The following AGO4 variants were observed in gnomAD, a reference collection of about 807,000 sequenced individuals.
AGO4 encodes argonaute RISC component 4, also known as protein argonaute-4.
A neutral mutation model predicts 104.7 loss-of-function variants in AGO4; 33 were observed. The ratio of observed to expected loss-of-function variants is 0.32; its 90% CI spans 0.24 to 0.42. AGO4 has a LOEUF of 0.42. Among genes scored for constraint, AGO4 ranks in the 10% least tolerant of loss-of-function variants. The probability of loss-of-function intolerance (pLI) is 1.00; values close to 1 mark genes in which losing one functional copy is unlikely to be tolerated. For missense variants in AGO4, 711 were observed against 1,083.4 expected, an observed-to-expected ratio of 0.66 and a Z score of 4.83; for synonymous variants, 331 against 364.7, an observed-to-expected ratio of 0.91 and a Z score of 1.05.
chr1:35,831,911 C>G lies in AGO4; in HGVS notation c.1096C>G (p.Gln366Glu). The change falls in exon 9 of 18, where the codon CAG becomes GAG. Residue 366 changes from glutamine to glutamate, a missense_variant. Physicochemically the swap from Gln to Glu is conservative, Grantham distance 29 (BLOSUM62 2). Around this residue, in one of 3 missense-constraint regions of AGO4, gnomAD observed 401 missense variants for 665.5 expected, o/e 0.60. Transcript: ENST00000373210. ...KATARSAPDR[Q>E]EEISRLVKSN... Reference sequence around the variant, plus strand: ...TACAGCAAGATCTGCTCCTGACAGACAGGAAGAGATCAGTAGACTGGTCAG... The same window carrying G: ...TACAGCAAGATCTGCTCCTGACAGAGAGGAAGAGATCAGTAGACTGGTCAG... The G allele has an allele frequency of 6.2e-7, 1 of 1,614,024 alleles. No homozygotes were observed. Among genetic ancestry groups the G allele is most frequent in the Non-Finnish European group, 8.5e-7 (1 of 1,179,958 alleles).
In AGO4 at chr1:35,841,536, C is replaced by G; in HGVS notation, c.2040+56C>G. On this transcript the variant is annotated intron_variant, in intron 14 of 17. Coordinates refer to ENST00000373210, the MANE Select transcript of AGO4 (RefSeq NM_017629.4). The surrounding 1 kb of genome is among the most constrained non-coding windows in gnomAD (Gnocchi z 4.7). Reference sequence around the variant, plus strand: ...GCCCCTAGGAGTCTGAGGGAGATTCCTCTCATCTACCATTCTGGGTAGATC... The same window carrying G: ...GCCCCTAGGAGTCTGAGGGAGATTCGTCTCATCTACCATTCTGGGTAGATC... 1 of 1,608,632 alleles carries G rather than the reference C, an allele frequency of 6.2e-7. No homozygotes were observed. The highest frequency in any genetic ancestry group is 8.5e-7 in the Non-Finnish European group (1 of 1,175,858).
intron 3 of AGO4, 124 bp from the exon 4 acceptor site, chr1:35,825,189 T>C: frequency 1.0e-6 from 1 of 968,378 alleles, no homozygotes; most frequent in Non-Finnish European, 1.5e-6. Context: ...TTTCCAATGT[T>C]ACACAATTGT....
At chr1:35,816,244 C>A (rs1274847294) in intron 1 of AGO4, among the ~76,000 whole-genome samples, 1 of 152,214 alleles carries the variant, frequency 6.6e-6, no homozygotes, top group Non-Finnish European at 1.5e-5. Flanking sequence ...TTTTAAAATG[C>A]ATATAATTTT....
chr1:35,817,219 C>T (rs1316750465), intron 2 of AGO4, among the ~76,000 whole-genome samples, 172 bp downstream of exon 2: 2 of 152,106 alleles, frequency 1.3e-5, no homozygotes, highest in Non-Finnish European at 2.9e-5. Context: ...TAGGCTCTAG[C>T]AAAGTGCTGG....
intron 15 of AGO4, among the ~76,000 whole-genome samples, chr1:35,848,466 G>A (rs1361155804): frequency 1.3e-5 from 2 of 152,146 alleles, no homozygotes; most frequent in Admixed American, 6.5e-5. Flanking sequence ...CATGAAGTCA[G>A]GAAGGCAAGT....
intron 11 of AGO4, among the ~76,000 whole-genome samples, chr1:35,833,149 C>T (rs1292147986): frequency 1.3e-5 from 2 of 151,946 alleles, no homozygotes; most frequent in African/African-American, 2.4e-5. Flanking sequence ...CATGGTGGCA[C>T]GCGCCTGTAG....
chr1:35,857,077 G>A lies in AGO4; in HGVS notation c.*3472G>A, dbSNP rs1410973824. On this transcript the variant is annotated 3_prime_UTR_variant, in exon 18 of 18. Coordinates refer to ENST00000373210, the MANE Select transcript of AGO4 (RefSeq NM_017629.4). ...TCTGTGTTTTAGGATCTGGTGCCCA[G>A]CCTCTATCAGAGCTTGCCTACCTGG... The A allele has an allele frequency of 2.0e-5, 3 of 152,214 alleles. No individual in the cohort carries two copies. The highest frequency in any genetic ancestry group is 4.4e-5 in the Non-Finnish European group (3 of 68,044). 9.4% of individuals were successfully genotyped at this position (152,214 alleles called of 1,614,324 possible).
chr1:35,831,350 CA>C (rs201655108), intron 7 of AGO4, 76 bp from the exon 8 acceptor site: 457 of 1,434,774 alleles, frequency 3.2e-4, no homozygotes, highest in South Asian at 6.3e-4. Context: ...GACACTGTCT[CA>C]AAAAAAAAGA....
chr1:35,820,894 A>T (rs1380110740), intron 2 of AGO4, among the ~76,000 whole-genome samples: 3 of 152,300 alleles, frequency 2.0e-5, no homozygotes, highest in Non-Finnish European at 4.4e-5. Flanking sequence ...GTGTTTGCTC[A>T]ATTAAGACAA....
intron 1 of AGO4, among the ~76,000 whole-genome samples, 171 bp from the exon 2 acceptor site, chr1:35,816,711 A>G (rs945699800): frequency 2.6e-5 from 4 of 151,370 alleles, no homozygotes; most frequent in African/African-American, 4.9e-5. Context: ...AGGCAGGAGA[A>G]TCGCTTGGAA....
chr1:35,851,260 T>A, intron 17 of AGO4: 1 of 583,538 alleles, frequency 1.7e-6, no homozygotes, highest in Non-Finnish European at 3.0e-6. Context: ...GTTGTGTCTC[T>A]AAAGGAGTTT....
chr1:35,857,114 A>G lies in AGO4; in HGVS notation c.*3509A>G, dbSNP rs1433204289. ...GCTTGCCTACCTGGCAAAGCTGCCT[A>G]CCCTTCAAGTGGGAAAATATAATCC... On this transcript the variant is annotated 3_prime_UTR_variant, in exon 18 of 18. Coordinates refer to ENST00000373210, the MANE Select transcript of AGO4 (RefSeq NM_017629.4). The G allele has an allele frequency of 6.6e-6, 1 of 152,128 alleles. No homozygotes were observed. The highest frequency in any genetic ancestry group is 1.5e-5 in the Non-Finnish European group (1 of 68,022). 9.4% of individuals were successfully genotyped at this position (152,128 alleles called of 1,614,324 possible).
chr1:35,809,597 C>T (rs1338766847), intron 1 of AGO4, among the ~76,000 whole-genome samples: 1 of 152,026 alleles, frequency 6.6e-6, no homozygotes, highest in Non-Finnish European at 1.5e-5. Flanking sequence ...ATTGGCTTGC[C>T]GCATTAATAT....
chr1:35,842,626 A>G (rs1304980146), intron 15 of AGO4, among the ~76,000 whole-genome samples: 3 of 151,798 alleles, frequency 2.0e-5, no homozygotes, highest in Non-Finnish European at 4.4e-5. Context: ...ACATGGTGAG[A>G]CTCCATCTCT....
chr1:35,853,414 T>C, intron 17 of AGO4, 83 bp from the exon 18 acceptor site: 2 of 1,264,206 alleles, frequency 1.6e-6, no homozygotes, highest in Non-Finnish European at 1.1e-6. Flanking sequence ...GTTACACCTG[T>C]TTTTTGTTTT....
intron 7 of AGO4, among the ~76,000 whole-genome samples, chr1:35,831,195 C>T (rs1644176576): frequency 6.6e-6 from 1 of 151,772 alleles, no homozygotes; most frequent in South Asian, 2.1e-4. Flanking sequence ...AACCCTGTCT[C>T]TACTAAAAAT....
intron 13 of AGO4, among the ~76,000 whole-genome samples, chr1:35,839,886 G>A (rs1266860622): frequency 6.6e-6 from 1 of 151,126 alleles, no homozygotes; most frequent in East Asian, 2.0e-4. Context: ...AGAATCACCT[G>A]AGTCCAGGAG....
intron 1 of AGO4, among the ~76,000 whole-genome samples, chr1:35,815,361 C>G (rs1643657792): frequency 6.6e-6 from 1 of 152,026 alleles, no homozygotes; most frequent in African/African-American, 2.4e-5. Flanking sequence ...ATATTGTCAT[C>G]AAAAAGGAGT....
At chr1:35,850,101 G>T in intron 15 of AGO4, 56 bp from the exon 16 acceptor site, 1 of 1,218,856 alleles carries the variant, frequency 8.2e-7, no homozygotes, top group Non-Finnish European at 1.2e-6. Context: ...AGAAAAAAAT[G>T]GCCTGACCAC....
Sources: allele counts gnomAD v4.1 joint callset (sites outside exome capture counted in the v4.1 genomes callset), GRCh38; gene constraint gnomAD v4.1.1; regional missense constraint gnomAD v4.1.1; non-coding constraint Gnocchi (gnomAD v3.1); transcripts MANE v1.5; gene names NCBI Gene and HGNC (gene_info 2026-07-23, HGNC 2026-07-21).